Variants in SIGLEC5 observed in about 807,000 individuals in gnomAD.
SIGLEC5 encodes the protein sialic acid binding Ig like lectin 5.
A neutral mutation model predicts 45.9 loss-of-function variants in SIGLEC5; 34 were observed. The observed-to-expected ratio is 0.74, with a 90% CI of 0.56 to 0.99. SIGLEC5 has a LOEUF of 0.99. Among genes scored for constraint, SIGLEC5 ranks in the 50% least tolerant of loss-of-function variants. The pLI, the probability that SIGLEC5 is intolerant of heterozygous loss-of-function variation, is 0.00. For missense variants in SIGLEC5, 508 were observed against 629.6 expected (o/e 0.81, Z 2.07); for synonymous variants, 203 against 258.6 (o/e 0.79, Z 2.06).
chr19:51,627,559 G>T lies in SIGLEC5; in HGVS notation c.1185C>A (p.Ser395=), dbSNP rs1300654095. The part of the protein sequence containing the change: ...SSSAGPWANS[S]LILHGGLSSD... ...AGCTGAGCCCCCCGTGGAGGATCAGGGAGCTGTTGGCCCAGGGCCCAGCTG... is the reference window on the plus strand; with the variant it reads ...AGCTGAGCCCCCCGTGGAGGATCAGTGAGCTGTTGGCCCAGGGCCCAGCTG... Residue 395 remains serine (S), a synonymous_variant, in exon 6 of 9, where the codon TCC becomes TCA. Coordinates refer to ENST00000683636, the MANE Select transcript of SIGLEC5 (RefSeq NM_003830.4). The T allele has an allele frequency of 1.2e-6, 2 of 1,613,960 alleles. No homozygotes were observed. The highest frequency in any genetic ancestry group is 2.7e-5 in the African/African-American group (2 of 74,930).
intron 8 of SIGLEC5, among the ~76,000 whole-genome samples, chr19:51,613,834 G>A (rs1982948794): frequency 6.6e-6 from 1 of 151,888 alleles, no homozygotes; most frequent in Non-Finnish European, 1.5e-5. Context: ...TTCAGGTTCT[G>A]GGCACGTACA....
chr19:51,627,332 C>A, intron 6 of SIGLEC5, 84 bp from the exon 7 acceptor site: 1 of 1,542,902 alleles, frequency 6.5e-7, no homozygotes, highest in Non-Finnish European at 8.9e-7. Context: ...TGCTCCAGGG[C>A]CCTGCTCAGA....
At chr19:51,621,008 G>GA (rs1983263767) in intron 8 of SIGLEC5, 1 of 151,918 alleles carries the variant, frequency 6.6e-6, no homozygotes, top group Non-Finnish European at 1.5e-5. Flanking sequence ...TGTTTTAATT[G>GA]AAAAAAATTT....
intron 8 of SIGLEC5, among the ~76,000 whole-genome samples, chr19:51,614,855 G>A (rs1352120308): frequency 1.3e-5 from 2 of 152,184 alleles, no homozygotes; most frequent in African/African-American, 4.8e-5. Context: ...GTAATACTGG[G>A]TAACAGTTAT....
At position 51,626,100 on chromosome 19, in the gene SIGLEC5, T is replaced by C; in HGVS notation, c.1396A>G (p.Arg466Gly). Residue 466 changes from arginine to glycine, a missense_variant, in exon 8 of 9, where the codon AGG (arginine) becomes GGG (glycine). Coordinates refer to ENST00000683636, the MANE Select transcript of SIGLEC5 (RefSeq NM_003830.4). ...LIFFLIVKAR[R>G]KQAAGRPEKM... ...TCTGGTCTCCCAGCTGCTTGCTTCC[T>C]GCGGGCTTTCACTCTAAGGAAAGAA... 1 of 1,613,816 alleles carries C rather than the reference T, an allele frequency of 6.2e-7. No homozygotes were observed. Among genetic ancestry groups the C allele is most frequent in the Middle Eastern group, 1.7e-4 (1 of 5,824 alleles).
rs1434718322 is a variant in SIGLEC5 at position 51,629,599 on chromosome 19, A to G, written c.459T>C (p.Pro153=). 4 of 1,464,204 alleles carry G rather than the reference A, an allele frequency of 2.7e-6. No individual in the cohort carries two copies. The South Asian group carries it at 3.6e-5, about 13-fold the overall frequency. The allele number at this position is 1,464,204 out of a possible 1,614,324, so 90.7% of individuals were successfully genotyped here. ...GCCTTGTGGGGCGGCCGGACTCCAG[A>G]GGCTCCAGAAAGTGGATGTCGGGTT... The part of the protein sequence containing the change: ...IEKPDIHFLE[P]LESGRPTRLS... Residue 153 remains proline, a synonymous_variant, in exon 3 of 9, where the codon CCT becomes CCC. Coordinates refer to ENST00000683636, the MANE Select transcript of SIGLEC5 (RefSeq NM_003830.4).
rs922317801 is a variant in SIGLEC5, at chr19:51,611,226, G to C, written c.*1005C>G. On this transcript the variant is annotated 3_prime_UTR_variant, in exon 9 of 9. Transcript: ENST00000683636. ...ATAAGTAACTGGAGAATTTTTAGCT[G>C]CTTTTGGTTTAGCATTTTAAAAAAT... Among the ~76,000 whole-genome samples, 1 of 152,166 alleles carries C rather than the reference G, an allele frequency of 6.6e-6. No homozygotes were observed. The highest frequency in any genetic ancestry group is 2.4e-5 in the African/African-American group (1 of 41,444).
chr19:51,619,583 G>T (rs1367839058), intron 8 of SIGLEC5, among the ~76,000 whole-genome samples: 1 of 152,026 alleles, frequency 6.6e-6, no homozygotes, highest in African/African-American at 2.4e-5. Flanking sequence ...AATAATTTAA[G>T]ATTCAAAGAA....
rs572361362 is a variant in SIGLEC5 at position 51,629,698 on chromosome 19, G to A, written c.422-62C>T. 201 of 918,318 alleles carry A rather than the reference G, an allele frequency of 2.2e-4. No individual in the cohort carries two copies. The African/African-American group carries it at 3.5e-3, about 16-fold the overall frequency. 56.9% of individuals were successfully genotyped at this position (918,318 alleles called of 1,614,324 possible). A position where few individuals can be genotyped will look rare whatever the true frequency, so the allele number is the denominator to read the frequency against. ...GCTTGAGGACGTAAGGTGTGACCCC[G>A]AGAGTGGCCAGGCCTCAGGCCCCGA... On this transcript the variant is annotated intron_variant, in intron 2 of 8. Coordinates refer to ENST00000683636, the MANE Select transcript of SIGLEC5 (RefSeq NM_003830.4).
At chr19:51,626,165 G>A (rs371468771) in intron 7 of SIGLEC5, 52 bp from the exon 8 acceptor site, 9 of 1,465,048 alleles carry the variant, frequency 6.1e-6, no homozygotes, top group Non-Finnish European at 8.6e-6. Context: ...GCACGGGTTA[G>A]CGGGTTGTCC....
chr19:51,626,853 G>GA (rs1023159828), intron 7 of SIGLEC5, among the ~76,000 whole-genome samples: 1 of 151,920 alleles, frequency 6.6e-6, no homozygotes, highest in Non-Finnish European at 1.5e-5. Context: ...TATTAGAAAA[G>GA]AAAAAAAGAA....
Position 51,629,384 on chromosome 19 carries a change from T to C in SIGLEC5, c.674A>G (p.Glu225Gly). ...GGAGACATTGAGCTGGACAGTTCTCTCCGTGGTCACCTGAGCTCCTTGGCG... is the reference window on the plus strand; with the variant it reads ...GGAGACATTGAGCTGGACAGTTCTCCCCGTGGTCACCTGAGCTCCTTGGCG... Reference protein sequence around the residue: ...MKRQGAQVTTERTVQLNVSYA... With the variant: ...MKRQGAQVTTGRTVQLNVSYA... Residue 225 changes from glutamate to glycine, a missense_variant, in exon 3 of 9, where the codon GAG becomes GGG. Transcript: ENST00000683636. The C allele has an allele frequency of 6.2e-7, 1 of 1,613,898 alleles. No individual in the cohort carries two copies. The highest frequency in any genetic ancestry group is 1.1e-5 in the South Asian group (1 of 91,066).
At chr19:51,613,143 G>A (rs1011738789) in intron 8 of SIGLEC5, among the ~76,000 whole-genome samples, 1 of 152,152 alleles carries the variant, frequency 6.6e-6, no homozygotes, top group Non-Finnish European at 1.5e-5. Flanking sequence ...CCGGACACAG[G>A]TCATAGGAAA....
chr19:51,622,303 T>G (rs975997956), intron 8 of SIGLEC5, among the ~76,000 whole-genome samples: 3 of 151,814 alleles, frequency 2.0e-5, no homozygotes, highest in Middle Eastern at 3.2e-3. Context: ...GGCTAATTTT[T>G]TTTTTTTTTG....
chr19:51,611,395 G>A lies in SIGLEC5; in HGVS notation c.*836C>T, dbSNP rs925442570. Among the ~76,000 whole-genome samples, 2 of 152,184 alleles carry A rather than the reference G, an allele frequency of 1.3e-5. No homozygotes were observed. Among genetic ancestry groups the A allele is most frequent in the Non-Finnish European group, 2.9e-5 (2 of 68,036 alleles). ...CAAGGAGGCATGGCTTCCAGGAGGA[G>A]GAATCTCAAATTGCAAAGACAGTGT... On this transcript the variant is annotated 3_prime_UTR_variant, in exon 9 of 9. Transcript: ENST00000683636.
chr19:51,628,834 T>C (rs1441991782), intron 4 of SIGLEC5, among the ~76,000 whole-genome samples: 2 of 148,322 alleles, frequency 1.3e-5, no homozygotes, highest in African/African-American at 5.1e-5. Flanking sequence ...TGCGTGTGTG[T>C]GTGCGTGTGT....
rs1335161787 is a variant in SIGLEC5 at position 51,616,922 on chromosome 19, A to AAC, written c.1465-4501_1465-4500insGT. ...TGAGACTGTCAAAAAAAAAAAACAA[A>AAC]AAAAAAAAACACTTGAACATTTAGA... On this transcript the variant is annotated intron_variant, in intron 8 of 8. Transcript: ENST00000683636. Among the ~76,000 whole-genome samples, 4 of 148,784 alleles carry AAC rather than the reference A, an allele frequency of 2.7e-5. No homozygotes were observed. The East Asian group carries it at 5.9e-4, about 22-fold the overall frequency.
intron 8 of SIGLEC5, among the ~76,000 whole-genome samples, chr19:51,624,662 G>A (rs1983411459): frequency 6.6e-6 from 1 of 152,046 alleles, no homozygotes; most frequent in Admixed American, 6.6e-5. Flanking sequence ...CCCAGCCCCT[G>A]TCCTTCAAGA....
At position 51,627,189 on chromosome 19, in the gene SIGLEC5, C is replaced by T; in HGVS notation, c.1342G>A (p.Ala448Thr). ...PAALGGAGVM[A>T]LLCICLCLIF... is the part of the protein sequence containing the mutation. ...AGGCACAGACAGATACAGAGCAGGG[C>T]CATGACACCAGCACCACCAAGGGCT... The change falls in exon 7 of 9, where the codon GCC becomes ACC. Residue 448 changes from alanine (A) to threonine (T), a missense_variant. By Grantham distance (58) the Ala-to-Thr change is moderately conservative (BLOSUM62 0). Around this residue, in one of 2 missense-constraint regions of SIGLEC5, gnomAD observed 431 missense variants for 428.8 expected, o/e 1.01. Coordinates refer to ENST00000683636, the MANE Select transcript of SIGLEC5 (RefSeq NM_003830.4). The T allele has an allele frequency of 6.2e-7, 1 of 1,614,130 alleles. No individual in the cohort carries two copies. The highest frequency in any genetic ancestry group is 8.5e-7 in the Non-Finnish European group (1 of 1,180,008).
Sources: allele counts gnomAD v4.1 joint callset (sites outside exome capture counted in the v4.1 genomes callset), GRCh38; gene constraint gnomAD v4.1.1; regional missense constraint gnomAD v4.1.1; transcripts MANE v1.5; gene names NCBI Gene and HGNC (gene_info 2026-07-23, HGNC 2026-07-21).